Variants in TBC1D2 observed in about 807,000 individuals in gnomAD.
TBC1D2 encodes the protein TBC1 domain family member 2.
A neutral mutation model predicts 91.1 loss-of-function variants in TBC1D2; 58 were observed. The ratio of observed to expected loss-of-function variants is 0.64; its 90% CI spans 0.52 to 0.79. The LOEUF is 0.79. Among genes scored for constraint, TBC1D2 ranks in the 30% least tolerant of loss-of-function variants. The pLI, the probability that TBC1D2 is intolerant of heterozygous loss-of-function variation, is 0.00. For missense variants in TBC1D2, 1,080 were observed against 1,208.3 expected, an observed-to-expected ratio of 0.89 and a Z score of 1.57; for synonymous variants, 482 against 511.5, an observed-to-expected ratio of 0.94 and a Z score of 0.78.
At chr9:98,231,973 A>G (rs1422001202) in intron 4 of TBC1D2, among the ~76,000 whole-genome samples, 1 of 152,188 alleles carries the variant, frequency 6.6e-6, no homozygotes, top group African/African-American at 2.4e-5. Context: ...ATGAGTGGCC[A>G]CCTAGGGTTA....
At chr9:98,240,184 TG>T (rs1829602409) in intron 3 of TBC1D2, among the ~76,000 whole-genome samples, 1 of 151,908 alleles carries the variant, frequency 6.6e-6, no homozygotes, top group Non-Finnish European at 1.5e-5. Flanking sequence ...TGTGTGTGTG[TG>T]TGTGTGTGTT....
chr9:98,253,948 T>TG (rs1430279425), intron 1 of TBC1D2, among the ~76,000 whole-genome samples: 4 of 152,146 alleles, frequency 2.6e-5, no homozygotes, highest in African/African-American at 9.7e-5. Context: ...ATAAAGACCA[T>TG]GTGTTGAAGA....
chr9:98,240,166 G>GGTGTGTGTGTGT (rs60630078), intron 3 of TBC1D2, among the ~76,000 whole-genome samples: 258 of 137,968 alleles, frequency 1.9e-3, no homozygotes, highest in Admixed American at 8.1e-3. Context: ...GTGTTTGTGT[G>GGTGTGTGTGTGT]GTGTGTGTGT....
At chr9:98,248,492 A>G (rs1829811026) in intron 2 of TBC1D2, among the ~76,000 whole-genome samples, 1 of 152,234 alleles carries the variant, frequency 6.6e-6, no homozygotes, top group Non-Finnish European at 1.5e-5. Context: ...GGCCTGACCC[A>G]GGAGGTCACT....
intron 6 of TBC1D2, among the ~76,000 whole-genome samples, chr9:98,219,487 C>T (rs1208086818): frequency 1.3e-5 from 2 of 152,170 alleles, no homozygotes; most frequent in Non-Finnish European, 2.9e-5. Flanking sequence ...TGAGGATACA[C>T]TCTGAGAAAT....
At chr9:98,244,388 G>C (rs1473178548) in intron 2 of TBC1D2, among the ~76,000 whole-genome samples, 1 of 152,176 alleles carries the variant, frequency 6.6e-6, no homozygotes, top group Non-Finnish European at 1.5e-5. Flanking sequence ...GCTGGGAGCG[G>C]TGGCTCATGC....
Position 98,199,155 on chromosome 9 carries a change from G to T in TBC1D2, c.*226C>A. ...GTGCTCTGTGGAAGAGGTGACGAAA[G>T]GGTGGCATCCCTGGGTAAGTAAGTG... is the stretch of plus-strand genomic sequence containing the variant. On this transcript the variant is annotated 3_prime_UTR_variant, in exon 13 of 13. Transcript: ENST00000465784. 1 of 604,288 alleles carries T rather than the reference G, an allele frequency of 1.7e-6. No individual in the cohort carries two copies. Among genetic ancestry groups the T allele is most frequent in the Non-Finnish European group, 2.9e-6 (1 of 340,208 alleles). 37.4% of individuals were successfully genotyped at this position (604,288 alleles called of 1,614,324 possible).
At chr9:98,212,976 C>A in intron 7 of TBC1D2, 132 bp downstream of exon 7, 2 of 941,182 alleles carry the variant, frequency 2.1e-6, no homozygotes, top group Non-Finnish European at 3.2e-6. Flanking sequence ...TGATATGGGC[C>A]CTGCTCACAA....
chr9:98,215,907 C>T (rs954875357), intron 6 of TBC1D2, among the ~76,000 whole-genome samples: 3 of 152,214 alleles, frequency 2.0e-5, no homozygotes, highest in Admixed American at 6.5e-5. Flanking sequence ...ACTCTAGTCC[C>T]TACCCTCCAA....
chr9:98,244,100 G>T lies in TBC1D2; in HGVS notation c.541C>A (p.Leu181Met). The T allele has an allele frequency of 6.2e-7, 1 of 1,613,356 alleles. No homozygotes were observed. The highest frequency in any genetic ancestry group is 8.5e-7 in the Non-Finnish European group (1 of 1,179,712). The change falls in exon 3 of 13, where the codon CTG (leucine) becomes ATG (methionine). Residue 181 changes from leucine (L) to methionine (M), a missense_variant. Physicochemically the swap from Leu to Met is conservative, Grantham distance 15. Coordinates refer to ENST00000465784, the MANE Select transcript of TBC1D2 (RefSeq NM_001267571.2). The part of the protein sequence containing the change: ...GQEEAELEEF[L>M]CPVKTPPGLV... ...CCAGGGGGTGTTTTCACAGGGCACA[G>T]GAACTCCTCCAGCTCTGCCTCTTCT...
chr9:98,223,046 G>A (rs1257791381), intron 5 of TBC1D2, among the ~76,000 whole-genome samples: 1 of 152,222 alleles, frequency 6.6e-6, no homozygotes, highest in African/African-American at 2.4e-5. Context: ...CAGAGAGGGA[G>A]TGGTGAGAGT....
intron 8 of TBC1D2, among the ~76,000 whole-genome samples, chr9:98,209,832 C>CTTTCT (rs1245402396): frequency 4.7e-4 from 67 of 142,186 alleles, no homozygotes; most frequent in African/African-American, 1.6e-3. Context: ...TCCCCCCTTC[C>CTTTCT]TTTCTTTTCT....
In TBC1D2 at chr9:98,255,269, G is replaced by T; in HGVS notation, c.273C>A (p.Asp91Glu). ...SRTAQDANPL[D>E]SIDLSSAVFD... ...ACACTGCACTGGAGAGGTCGATGCT[G>T]TCCAAGGGATTGGCATCCTGAGCGG... Residue 91 changes from aspartate to glutamate, a missense_variant, in exon 1 of 13, where the codon GAC becomes GAA. Coordinates refer to ENST00000465784, the MANE Select transcript of TBC1D2 (RefSeq NM_001267571.2). The T allele has an allele frequency of 6.2e-7, 1 of 1,614,246 alleles. No individual in the cohort carries two copies. The highest frequency in any genetic ancestry group is 8.5e-7 in the Non-Finnish European group (1 of 1,180,040).
At chr9:98,210,318 GGCC>G (rs1458037582) in intron 8 of TBC1D2, among the ~76,000 whole-genome samples, 1 of 152,178 alleles carries the variant, frequency 6.6e-6, no homozygotes, top group Non-Finnish European at 1.5e-5. Flanking sequence ...TGCTCAGCAA[GGCC>G]TTGGTGCAGA....
At chr9:98,240,250 T>C (rs1247359938) in intron 3 of TBC1D2, among the ~76,000 whole-genome samples, 5 of 152,070 alleles carry the variant, frequency 3.3e-5, no homozygotes, top group South Asian at 2.1e-4. Flanking sequence ...TCATGGATAG[T>C]ACAGCTGAGT....
At chr9:98,254,647 C>G (rs113222590) in intron 1 of TBC1D2, among the ~76,000 whole-genome samples, 4 of 152,194 alleles carry the variant, frequency 2.6e-5, no homozygotes, top group African/African-American at 9.7e-5. Context: ...GATGAACAAT[C>G]TAGGCTGATC....
At position 98,210,836 on chromosome 9, in the gene TBC1D2, T is replaced by C. The variant is rs746405499; in HGVS notation, c.1493A>G (p.Tyr498Cys). The part of the protein sequence containing the change: ...KEKALLTKCA[Y>C]LQARNCQVES... ...CACCTGGCAGTTTCTGGCTTGGAGG[T>C]AGGCGCACTGCAAACAGGGAAAGGC... Residue 498 changes from tyrosine to cysteine, a missense_variant, in exon 8 of 13, where the codon TAC becomes TGC. Tyr to Cys is a radical substitution (Grantham distance 194). Transcript: ENST00000465784. 1.6e-5 allele frequency: 25 copies of C among 1,551,150 alleles called. No individual in the cohort carries two copies. The Admixed American group carries it at 4.1e-4, about 26-fold the overall frequency.
chr9:98,219,625 A>G (rs1391082927), intron 6 of TBC1D2, among the ~76,000 whole-genome samples: 2 of 152,208 alleles, frequency 1.3e-5, no homozygotes, highest in East Asian at 3.9e-4. Context: ...AGACCTGTGC[A>G]CCTGTTACGG....
At chr9:98,217,398 A>G (rs1272276540) in intron 6 of TBC1D2, among the ~76,000 whole-genome samples, 1 of 152,236 alleles carries the variant, frequency 6.6e-6, no homozygotes, top group African/African-American at 2.4e-5. Context: ...TTCCGGCTGT[A>G]GCCCTGCCTC....
Sources: allele counts gnomAD v4.1 joint callset (sites outside exome capture counted in the v4.1 genomes callset), GRCh38; gene constraint gnomAD v4.1.1; transcripts MANE v1.5; gene names NCBI Gene and HGNC (gene_info 2026-07-23, HGNC 2026-07-21).